NTNG1: variants seen among roughly 807,000 people sequenced by gnomAD.
NTNG1 encodes the protein netrin G1.
NTNG1 carries 16 observed loss-of-function variants against 54.0 expected under a neutral mutation model. The observed-to-expected ratio is 0.30, with a 90% CI of 0.20 to 0.45. The LOEUF (loss-of-function observed/expected upper bound fraction) is 0.45. Ranked by LOEUF, NTNG1 falls within the 20% of genes least tolerant of loss-of-function variation. NTNG1 has a pLI of 1.00. For missense variants in NTNG1, 530 were observed against 678.7 expected, an observed-to-expected ratio of 0.78 and a Z score of 2.43; for synonymous variants, 255 against 263.1, an observed-to-expected ratio of 0.97 and a Z score of 0.30.
chr1:107,388,187 C>T (rs1021668384), intron 3 of NTNG1, among the ~76,000 whole-genome samples: 1 of 152,090 alleles, frequency 6.6e-6, no homozygotes, highest in Non-Finnish European at 1.5e-5. Context: ...ATCAGACAGC[C>T]CAAGTCCATA....
intron 2 of NTNG1, among the ~76,000 whole-genome samples, chr1:107,159,973 T>TA (rs1214106174): frequency 2.0e-5 from 3 of 152,198 alleles, no homozygotes; most frequent in African/African-American, 7.2e-5. Context: ...ATTCATCATG[T>TA]AAAAAACAGA....
intron 2 of NTNG1, among the ~76,000 whole-genome samples, chr1:107,299,581 G>A (rs956276831): frequency 4.6e-5 from 7 of 152,108 alleles, no homozygotes; most frequent in Admixed American, 6.6e-5. Flanking sequence ...TACAGATGAG[G>A]AGATTGAAAC....
intron 1 of NTNG1, chr1:107,143,469 A>G (rs1327790432): frequency 2.6e-5 from 4 of 152,132 alleles, no homozygotes; most frequent in African/African-American, 9.7e-5. Context: ...TAGGATTTCT[A>G]AGTGTCATAA....
chr1:107,471,642 A>C (rs1677988805), intron 7 of NTNG1, among the ~76,000 whole-genome samples: 1 of 152,202 alleles, frequency 6.6e-6, no homozygotes, highest in Non-Finnish European at 1.5e-5. Flanking sequence ...CCCTAAGGTG[A>C]CCTTGCAAGG....
chr1:107,450,017 G>T (rs959660493), intron 7 of NTNG1, among the ~76,000 whole-genome samples: 1 of 151,996 alleles, frequency 6.6e-6, no homozygotes, highest in African/African-American at 2.4e-5. Context: ...ATGTATGACT[G>T]CTTTATTCCT....
intron 2 of NTNG1, among the ~76,000 whole-genome samples, chr1:107,242,144 C>T (rs1242981412): frequency 2.0e-5 from 3 of 151,428 alleles, no homozygotes; most frequent in Non-Finnish European, 4.4e-5. Context: ...CGTGGTGTTG[C>T]GTGCCTGTAG....
intron 2 of NTNG1, among the ~76,000 whole-genome samples, chr1:107,176,007 C>T (rs892545699): frequency 4.6e-5 from 7 of 152,090 alleles, no homozygotes; most frequent in East Asian, 3.9e-4. Flanking sequence ...TTATTGAGGG[C>T]CCACTGTTTT....
chr1:107,398,120 A>T (rs1054987286), intron 4 of NTNG1, among the ~76,000 whole-genome samples: 4 of 152,154 alleles, frequency 2.6e-5, no homozygotes, highest in African/African-American at 9.6e-5. Flanking sequence ...GGGACCTAGA[A>T]ATGCCACTCA....
chr1:107,243,634 C>T (rs1290370479), intron 2 of NTNG1, among the ~76,000 whole-genome samples: 3 of 152,108 alleles, frequency 2.0e-5, no homozygotes, highest in African/African-American at 4.8e-5. Flanking sequence ...CAGGCACGGT[C>T]GTAGTGTGCA....
chr1:107,268,648 AC>A (rs1415423195), intron 2 of NTNG1, among the ~76,000 whole-genome samples: 1 of 152,008 alleles, frequency 6.6e-6, no homozygotes, highest in Non-Finnish European at 1.5e-5. Flanking sequence ...TTAATCTCAG[AC>A]CTCACTACTG....
At chr1:107,216,834 C>A (rs1018235999) in intron 2 of NTNG1, among the ~76,000 whole-genome samples, 1 of 151,952 alleles carries the variant, frequency 6.6e-6, no homozygotes, top group African/African-American at 2.4e-5. Flanking sequence ...TGTACCACCA[C>A]GACCAGCTTA....
At chr1:107,214,515 C>T (rs887547173) in intron 2 of NTNG1, among the ~76,000 whole-genome samples, 1 of 152,146 alleles carries the variant, frequency 6.6e-6, no homozygotes. Flanking sequence ...TTTATCCACT[C>T]ATTGATTGAT....
chr1:107,221,188 A>G (rs1660319624), intron 2 of NTNG1, among the ~76,000 whole-genome samples: 1 of 152,136 alleles, frequency 6.6e-6, no homozygotes, highest in African/African-American at 2.4e-5. Flanking sequence ...TTTACTATGA[A>G]AAAGGCAATT....
chr1:107,394,128 G>C (rs1345760491), intron 3 of NTNG1, among the ~76,000 whole-genome samples: 1 of 151,992 alleles, frequency 6.6e-6, no homozygotes, highest in African/African-American at 2.4e-5. Context: ...TGGATGCCCA[G>C]GTTCTCTCCT....
intron 3 of NTNG1, among the ~76,000 whole-genome samples, chr1:107,393,060 A>C (rs923004854): frequency 1.3e-5 from 2 of 152,196 alleles, no homozygotes; most frequent in Non-Finnish European, 2.9e-5. Context: ...TTATTCAAAG[A>C]ATATCTTCTC....
At chr1:107,402,340 G>A (rs1673096145) in intron 4 of NTNG1, among the ~76,000 whole-genome samples, 4 of 152,130 alleles carry the variant, frequency 2.6e-5, no homozygotes, top group African/African-American at 7.2e-5. Flanking sequence ...GGACACTGAA[G>A]GTCTGAAAGT....
intron 2 of NTNG1, among the ~76,000 whole-genome samples, chr1:107,231,693 C>A (rs945607518): frequency 6.6e-6 from 1 of 151,972 alleles, no homozygotes; most frequent in Non-Finnish European, 1.5e-5. Flanking sequence ...CAAGTTCAGG[C>A]CAGTGAGGTG....
chr1:107,144,141 C>T (rs1653938544), intron 1 of NTNG1, among the ~76,000 whole-genome samples: 1 of 152,056 alleles, frequency 6.6e-6, no homozygotes, highest in Admixed American at 6.5e-5. Context: ...CTGCAAAGAG[C>T]ATTGAATACA....
At chr1:107,193,095 A>G (rs1658079854) in intron 2 of NTNG1, among the ~76,000 whole-genome samples, 1 of 152,104 alleles carries the variant, frequency 6.6e-6, no homozygotes, top group Non-Finnish European at 1.5e-5. Context: ...AGACTCAGAA[A>G]TTAAAAGTAC....
Sources: gnomAD v4.1 joint callset for allele counts (sites outside exome capture counted in the v4.1 genomes callset) on GRCh38, gnomAD v4.1.1 for gene constraint, MANE v1.5 for transcripts, NCBI Gene and HGNC (gene_info 2026-07-23, HGNC 2026-07-21) for gene names.